The following ATP10D variants were observed in gnomAD, a reference collection of about 807,000 sequenced individuals.
ATP10D encodes the protein ATPase phospholipid transporting 10D (putative).
ATP10D carries 89 observed loss-of-function variants against 144.8 expected under a neutral mutation model. That is an observed-to-expected ratio of 0.61 (90% CI 0.52 to 0.73). The LOEUF is 0.73. ATP10D is among the 30% of genes least tolerant of loss of function. The probability of loss-of-function intolerance (pLI) is 0.00; values close to 1 mark genes in which losing one functional copy is unlikely to be tolerated. For synonymous variants in ATP10D, 571 were observed against 615.1 expected, an observed-to-expected ratio of 0.93 and a Z score of 1.06; for missense variants, 1,603 against 1,714.8, an observed-to-expected ratio of 0.93 and a Z score of 1.15.
chr4:47,494,408 CT>C (rs1226224353), intron 1 of ATP10D, among the ~76,000 whole-genome samples: 1 of 151,926 alleles, frequency 6.6e-6, no homozygotes, highest in Non-Finnish European at 1.5e-5. Context: ...AACTAATTAA[CT>C]CTGTAAAATT....
chr4:47,534,642 A>G (rs1016514255), intron 5 of ATP10D, among the ~76,000 whole-genome samples: 9 of 152,164 alleles, frequency 5.9e-5, no homozygotes, highest in African/African-American at 2.2e-4. Context: ...GCCATCGCTT[A>G]TCATTGCCTA....
At chr4:47,504,560 G>A (rs1315461223) in intron 1 of ATP10D, among the ~76,000 whole-genome samples, 1 of 151,938 alleles carries the variant, frequency 6.6e-6, no homozygotes, top group Admixed American at 6.6e-5. Context: ...GTAGGTCAAG[G>A]AGACTTTTTT....
intron 1 of ATP10D, among the ~76,000 whole-genome samples, chr4:47,492,739 A>G (rs1715147256): frequency 6.6e-6 from 1 of 152,158 alleles, no homozygotes; most frequent in African/African-American, 2.4e-5. Context: ...TACATTTTCG[A>G]AATTAATTAA....
chr4:47,523,152 C>T lies in ATP10D; in HGVS notation c.626C>T (p.Thr209Ile). The T allele has an allele frequency of 1.9e-6, 3 of 1,614,080 alleles. No homozygotes were observed. Among genetic ancestry groups the T allele is most frequent in the Non-Finnish European group, 2.5e-6 (3 of 1,180,008 alleles). Residue 209 changes from threonine (T) to isoleucine (I), a missense_variant, in exon 4 of 23, where the codon ACT (threonine) becomes ATT (isoleucine). Physicochemically the swap from Thr to Ile is moderately conservative, Grantham distance 89 (BLOSUM62 -1). Coordinates refer to ENST00000273859, the MANE Select transcript of ATP10D (RefSeq NM_020453.4). Reference sequence around the variant, plus strand: ...CCAGATGGAATCTGTCACATTGAGACTTCTGGTCTTGATGGAGAGAGCAAT... The same window carrying T: ...CCAGATGGAATCTGTCACATTGAGATTTCTGGTCTTGATGGAGAGAGCAAT... ...TDPDGICHIE[T>I]SGLDGESNLK...
At chr4:47,551,512 G>C (rs1718732402) in intron 10 of ATP10D, among the ~76,000 whole-genome samples, 1 of 152,146 alleles carries the variant, frequency 6.6e-6, no homozygotes, top group Admixed American at 6.5e-5. Context: ...TTTTCCTCTG[G>C]TTGTTTCTCC....
chr4:47,554,643 C>A, intron 10 of ATP10D, 83 bp from the exon 11 acceptor site: 1 of 1,093,332 alleles, frequency 9.1e-7, no homozygotes, highest in Non-Finnish European at 1.3e-6. Flanking sequence ...TAGATCCTGG[C>A]TATACAAGTT....
rs1286390234 is a variant in ATP10D at position 47,591,109 on chromosome 4, AGACT to A, written c.4010_4013del (p.Arg1337LysfsTer19). The A allele has an allele frequency of 1.9e-6, 3 of 1,613,274 alleles. No individual in the cohort carries two copies. Among genetic ancestry groups the A allele is most frequent in the Non-Finnish European group, 2.5e-6 (3 of 1,179,494 alleles). On this transcript the variant is annotated frameshift_variant, in exon 23 of 23. Transcript: ENST00000273859. LOFTEE classifies it low-confidence loss of function (END_TRUNC). ...AATTCTGAGAGCTAAGCACTTTGAC[AGACT>A]AACTCCAGAGGAGAGGACTAAAGCT... is the stretch of plus-strand genomic sequence containing the variant.
chr4:47,505,153 A>G (rs1715951267), intron 1 of ATP10D, among the ~76,000 whole-genome samples: 1 of 152,240 alleles, frequency 6.6e-6, no homozygotes, highest in Admixed American at 6.5e-5. Flanking sequence ...TTCTAGCCTT[A>G]GACATGAGGA....
intron 7 of ATP10D, 124 bp downstream of exon 7, chr4:47,536,157 A>G: frequency 8.4e-7 from 1 of 1,187,660 alleles, no homozygotes; most frequent in South Asian, 1.5e-5. Context: ...GTTTTACCTC[A>G]TATCCTTGTC....
At chr4:47,496,311 C>T (rs540747508) in intron 1 of ATP10D, among the ~76,000 whole-genome samples, 1 of 151,894 alleles carries the variant, frequency 6.6e-6, no homozygotes, top group Non-Finnish European at 1.5e-5. Context: ...GCATGGGCCA[C>T]CACGCCCGGC....
At chr4:47,551,466 A>G (rs1718730344) in intron 10 of ATP10D, among the ~76,000 whole-genome samples, 1 of 152,170 alleles carries the variant, frequency 6.6e-6, no homozygotes, top group Non-Finnish European at 1.5e-5. Flanking sequence ...GCCCAGTGGG[A>G]GGTAATATGT....
At chr4:47,553,796 T>G (rs1718841674) in intron 10 of ATP10D, among the ~76,000 whole-genome samples, 1 of 152,254 alleles carries the variant, frequency 6.6e-6, no homozygotes, top group Non-Finnish European at 1.5e-5. Context: ...CATAATCTTC[T>G]GAGTCCATGT....
At chr4:47,497,031 G>A (rs182053480) in intron 1 of ATP10D, among the ~76,000 whole-genome samples, 6 of 152,110 alleles carry the variant, frequency 3.9e-5, no homozygotes, top group Admixed American at 3.3e-4. Context: ...TAGTAGAAAC[G>A]GGTTTCACCA....
At chr4:47,568,286 A>G (rs941705827) in intron 15 of ATP10D, among the ~76,000 whole-genome samples, 2 of 152,198 alleles carry the variant, frequency 1.3e-5, no homozygotes, top group African/African-American at 4.8e-5. Flanking sequence ...ATGTTTTCTA[A>G]TATATAGTTT....
intron 3 of ATP10D, among the ~76,000 whole-genome samples, chr4:47,516,911 AATGCTTATTAT>A (rs1320199918): frequency 1.3e-5 from 2 of 152,350 alleles, no homozygotes; most frequent in Non-Finnish European, 2.9e-5. Context: ...GTAACATTTG[AATGCTTATTAT>A]ATACCAGAGA....
At chr4:47,507,339 C>G (rs955580678) in intron 1 of ATP10D, among the ~76,000 whole-genome samples, 14 of 152,206 alleles carry the variant, frequency 9.2e-5, no homozygotes, top group African/African-American at 3.4e-4. Flanking sequence ...AATTGGGGTG[C>G]CAGAAATTGA....
chr4:47,541,665 G>C (rs1718140825), intron 9 of ATP10D, among the ~76,000 whole-genome samples: 1 of 152,180 alleles, frequency 6.6e-6, no homozygotes, highest in Admixed American at 6.5e-5. Context: ...TCTGAATGCT[G>C]TTCACCTTTG....
In ATP10D at chr4:47,554,788, C is replaced by T. The variant is rs1346988072; in HGVS notation, c.1698C>T (p.Leu566=). ...AATTTAGTCAGATTACACCTCGGCT[C>T]TTTATGCCACTAGATGAGACCATCC... ...LDKFSQITPR[L]FMPLDETIQN... The change falls in exon 11 of 23, where the codon CTC becomes CTT. Residue 566 remains leucine, a synonymous_variant. Coordinates refer to ENST00000273859, the MANE Select transcript of ATP10D (RefSeq NM_020453.4). The T allele has an allele frequency of 1.9e-6, 3 of 1,613,980 alleles. No homozygotes were observed. Among genetic ancestry groups the T allele is most frequent in the Non-Finnish European group, 2.5e-6 (3 of 1,179,996 alleles).
At position 47,533,920 on chromosome 4, in the gene ATP10D, C is replaced by T. The variant is rs140887587; in HGVS notation, c.777-1589C>T. Among the ~76,000 whole-genome samples, 162 of 152,228 alleles carry T rather than the reference C, an allele frequency of 1.1e-3. 2 individuals are homozygous for T. The highest frequency in any genetic ancestry group is 3.9e-3 in the African/African-American group (160 of 41,548). On this transcript the variant is annotated intron_variant, in intron 5 of 22. Transcript: ENST00000273859. ...AGATAAGGACTTAAATGAGTCACAA[C>T]CACAATACCATTATCACACCTGACA...
Sources: allele counts gnomAD v4.1 joint callset (sites outside exome capture counted in the v4.1 genomes callset), GRCh38; gene constraint gnomAD v4.1.1; transcripts MANE v1.5; gene names NCBI Gene and HGNC (gene_info 2026-07-23, HGNC 2026-07-21).